DENND1B: variants seen among roughly 807,000 people sequenced by gnomAD.
DENND1B encodes the protein DENN domain-containing protein 1B.
DENND1B carries 59 observed loss-of-function variants against 90.1 expected under a neutral mutation model. That is an observed-to-expected ratio of 0.65 (90% confidence interval 0.53 to 0.81). The LOEUF (loss-of-function observed/expected upper bound fraction) is 0.81, where lower values mean the gene tolerates loss of function less well. Ranked by LOEUF, DENND1B falls within the 40% of genes least tolerant of loss-of-function variation. The pLI, the probability that DENND1B is intolerant of heterozygous loss-of-function variation, is 0.00. For synonymous variants in DENND1B, 337 were observed against 324.6 expected (o/e 1.04, Z -0.41); for missense variants, 862 against 912.6 (o/e 0.94, Z 0.71).
chr1:197,664,329 T>G (rs1654722133), intron 5 of DENND1B, among the ~76,000 whole-genome samples: 1 of 152,146 alleles, frequency 6.6e-6, no homozygotes, highest in South Asian at 2.1e-4. Flanking sequence ...CTTGAATTTT[T>G]AAAATTGAAC....
At chr1:197,725,389 T>C (rs1015391340) in intron 2 of DENND1B, among the ~76,000 whole-genome samples, 4 of 151,990 alleles carry the variant, frequency 2.6e-5, no homozygotes, top group Non-Finnish European at 4.4e-5. Context: ...AACTGAAAGA[T>C]TTACCAAGAA....
At chr1:197,573,135 T>A (rs1355596499) in intron 15 of DENND1B, among the ~76,000 whole-genome samples, 1 of 152,188 alleles carries the variant, frequency 6.6e-6, no homozygotes, top group African/African-American at 2.4e-5. Context: ...TGGTCTCTAT[T>A]TCCTTCAGTT....
At chr1:197,536,178 A>ATGAGG (rs150674815) in intron 20 of DENND1B, among the ~76,000 whole-genome samples, 5 of 148,554 alleles carry the variant, frequency 3.4e-5, no homozygotes, top group Non-Finnish European at 6.0e-5. Flanking sequence ...ATGAGATGAG[A>ATGAGG]TGAGATGAGA....
chr1:197,515,031 G>A (rs1349567465), intron 20 of DENND1B, among the ~76,000 whole-genome samples: 1 of 151,648 alleles, frequency 6.6e-6, no homozygotes, highest in Non-Finnish European at 1.5e-5. Context: ...CATGACACCA[G>A]AGAGGAATAA....
Position 197,628,195 on chromosome 1 carries a change from C to G in DENND1B, c.673-10436G>C, listed in dbSNP as rs550267871. 6.1e-3 allele frequency among the ~76,000 whole-genome samples: 933 copies of G among 151,986 alleles called. 11 individuals carry two copies. Among genetic ancestry groups the G allele is most frequent in the African/African-American group, 0.022 (893 of 41,432 alleles). ...AACTACTTTAAAGTTCATATAGAAC[C>G]AAAAAAGAGCCCGCATCGCCAAGTC... On this transcript the variant is annotated intron_variant, in intron 10 of 22. Transcript: ENST00000620048.
intron 11 of DENND1B, among the ~76,000 whole-genome samples, chr1:197,616,438 T>C (rs547498745): frequency 1.5e-4 from 22 of 151,210 alleles, no homozygotes; most frequent in Admixed American, 2.6e-4. Flanking sequence ...TACATTCCTA[T>C]AGTTTCCTGC....
At chr1:197,725,476 T>C (rs756460177) in intron 2 of DENND1B, among the ~76,000 whole-genome samples, 12 of 152,074 alleles carry the variant, frequency 7.9e-5, no homozygotes, top group Non-Finnish European at 1.6e-4. Context: ...AAATTATATA[T>C]TTCTTATATG....
intron 3 of DENND1B, among the ~76,000 whole-genome samples, chr1:197,703,985 G>A (rs1219540718): frequency 6.6e-6 from 1 of 152,110 alleles, no homozygotes; most frequent in African/African-American, 2.4e-5. Flanking sequence ...ACTCATGCCT[G>A]TAATCCCAGG....
chr1:197,696,724 G>C (rs1455671030), intron 3 of DENND1B, among the ~76,000 whole-genome samples: 2 of 151,248 alleles, frequency 1.3e-5, no homozygotes, highest in African/African-American at 4.8e-5. Context: ...GTTATCATGA[G>C]TTTATTCAAC....
At chr1:197,781,358 G>T in the DENND1B span, among the ~76,000 whole-genome samples, 1 of 152,108 alleles carries the variant, frequency 6.6e-6, no homozygotes, top group Non-Finnish European at 1.5e-5. Context: ...ATTCTTAGGT[G>T]AAATTTATTA....
At chr1:197,653,246 G>A (rs1025556793) in intron 6 of DENND1B, among the ~76,000 whole-genome samples, 15 of 151,980 alleles carry the variant, frequency 9.9e-5, no homozygotes, top group African/African-American at 3.1e-4. Flanking sequence ...TTTAAACAAC[G>A]AAATGTATCA....
chr1:197,633,011 T>C (rs1302325475), intron 10 of DENND1B, among the ~76,000 whole-genome samples: 1 of 152,160 alleles, frequency 6.6e-6, no homozygotes, highest in East Asian at 1.9e-4. Context: ...GCTAAATCTT[T>C]GAGGATTGAG....
chr1:197,604,183 AATAAAAT>A (rs1676455082), intron 13 of DENND1B, among the ~76,000 whole-genome samples: 1 of 60,332 alleles, frequency 1.7e-5, no homozygotes, highest in African/African-American at 4.4e-5. Context: ...AATCACTCCC[AATAAAAT>A]ATGTTTTTTT....
chr1:197,581,865 G>C (rs937177273), intron 15 of DENND1B, among the ~76,000 whole-genome samples: 1 of 152,076 alleles, frequency 6.6e-6, no homozygotes, highest in Admixed American at 6.6e-5. Context: ...TCTTGATAGA[G>C]AAAAATACAA....
intron 20 of DENND1B, among the ~76,000 whole-genome samples, chr1:197,520,840 G>C (rs1668722883): frequency 6.6e-6 from 1 of 151,874 alleles, no homozygotes; most frequent in Non-Finnish European, 1.5e-5. Context: ...AATTGTAAAA[G>C]TTTTGCTCCC....
At chr1:197,553,571 C>T (rs1392445804) in intron 15 of DENND1B, among the ~76,000 whole-genome samples, 1 of 152,106 alleles carries the variant, frequency 6.6e-6, no homozygotes, top group African/African-American at 2.4e-5. Flanking sequence ...ATTAGATTAA[C>T]CTAGGAAATG....
intron 19 of DENND1B, 30 bp downstream of exon 19, chr1:197,540,929 G>A (rs1026779257): frequency 1.3e-6 from 2 of 1,591,388 alleles, no homozygotes; most frequent in East Asian, 2.3e-5. Flanking sequence ...AAGAATCAAG[G>A]TAAAATGGAA....
At chr1:197,770,711 TA>T (rs1482770971) in intron 2 of DENND1B, among the ~76,000 whole-genome samples, 2 of 142,238 alleles carry the variant, frequency 1.4e-5, no homozygotes, top group Non-Finnish European at 3.0e-5. Flanking sequence ...TATAAATATA[TA>T]AATATATATC....
At chr1:197,773,127 T>A (rs1279475433) in intron 1 of DENND1B, 195 bp from the exon 2 acceptor site, 2 of 582,702 alleles carry the variant, frequency 3.4e-6, no homozygotes. Context: ...ACTTAGGAAT[T>A]CTGAAACTTG....
Sources: gnomAD v4.1 joint callset for allele counts (sites outside exome capture counted in the v4.1 genomes callset) on GRCh38, gnomAD v4.1.1 for gene constraint, MANE v1.5 for transcripts, NCBI Gene and HGNC (gene_info 2026-07-23, HGNC 2026-07-21) for gene names.